The following ZNF782 variants were observed in gnomAD, a reference collection of about 807,000 sequenced individuals.
ZNF782 encodes zinc finger protein 782.
Under a neutral mutation model 13.0 loss-of-function variants are expected in ZNF782, and 12 were observed. That is an observed-to-expected ratio of 0.92 (90% CI 0.59 to 1.50). The LOEUF is 1.50. Among genes scored for constraint, ZNF782 ranks in the 40% most tolerant of loss-of-function variants. The pLI is 0.00. For synonymous variants in ZNF782, 284 were observed against 283.0 expected (o/e 1.00, Z -0.04); for missense variants, 770 against 822.9 (o/e 0.94, Z 0.79).
Position 96,869,782 on chromosome 9 carries a change from A to G in ZNF782, c.-457+5686T>C, listed in dbSNP as rs968081245. On this transcript the variant is annotated intron_variant, in intron 1 of 5. Transcript: ENST00000498811. Reference sequence around the variant, plus strand: ...TGTCCAAGTGAAGTAACACCTTTTGATGCTTTAGTCATTAGACTTATTTGA... The same window carrying G: ...TGTCCAAGTGAAGTAACACCTTTTGGTGCTTTAGTCATTAGACTTATTTGA... 2.0e-5 allele frequency among the ~76,000 whole-genome samples: 3 copies of G among 152,292 alleles called. No homozygotes were observed. In the East Asian group the frequency reaches 5.8e-4, roughly 29 times the overall value.
At chr9:96,916,609 C>A in the ZNF782 span, among the ~76,000 whole-genome samples, 1 of 152,096 alleles carries the variant, frequency 6.6e-6, no homozygotes, top group Non-Finnish European at 1.5e-5. Flanking sequence ...CTGAGTTAGA[C>A]TTCTTCCTCC....
chr9:96,933,423 T>A, the ZNF782 span: 1 of 150,938 alleles, frequency 6.6e-6, no homozygotes, highest in Non-Finnish European at 1.5e-5. Context: ...CAGGCTGGAG[T>A]GCAATGGTGC....
chr9:96,925,005 C>T, the ZNF782 span, among the ~76,000 whole-genome samples: 115 of 152,328 alleles, frequency 7.5e-4, 1 homozygote, highest in Admixed American at 1.4e-3. Flanking sequence ...GACCAGGAGG[C>T]GATTACCTTC....
At chr9:96,825,226 G>C (rs1308683407) in intron 5 of ZNF782, among the ~76,000 whole-genome samples, 1 of 150,900 alleles carries the variant, frequency 6.6e-6, no homozygotes, top group Non-Finnish European at 1.5e-5. Context: ...CAATGGAACA[G>C]AACAGAGCCC....
chr9:96,883,229 G>A, the ZNF782 span, among the ~76,000 whole-genome samples: 4 of 152,134 alleles, frequency 2.6e-5, no homozygotes, highest in Non-Finnish European at 4.4e-5. Context: ...GGGGTGTGGA[G>A]ACAAGCCACC....
chr9:96,834,397 A>T (rs1850916487), intron 4 of ZNF782, among the ~76,000 whole-genome samples: 1 of 152,204 alleles, frequency 6.6e-6, no homozygotes, highest in South Asian at 2.1e-4. Flanking sequence ...AGTCAATTAA[A>T]CTTCTTTCCT....
chr9:96,841,267 G>T (rs984852955), intron 4 of ZNF782, among the ~76,000 whole-genome samples: 1 of 151,772 alleles, frequency 6.6e-6, no homozygotes, highest in East Asian at 1.9e-4. Context: ...TTCCCAAAAA[G>T]AAGTCTCTAG....
At chr9:96,907,702 A>G in the ZNF782 span, among the ~76,000 whole-genome samples, 2 of 151,822 alleles carry the variant, frequency 1.3e-5, no homozygotes, top group African/African-American at 4.8e-5. Flanking sequence ...GTGCAATGGC[A>G]TAATCTCAGC....
At chr9:96,833,608 C>T (rs1850880881) in intron 4 of ZNF782, among the ~76,000 whole-genome samples, 2 of 152,182 alleles carry the variant, frequency 1.3e-5, no homozygotes, top group African/African-American at 4.8e-5. Context: ...CTGACGATAA[C>T]TTTGATCACC....
chr9:96,877,124 T>C (rs1283600477), upstream of ZNF782, among the ~76,000 whole-genome samples: 1 of 152,102 alleles, frequency 6.6e-6, no homozygotes, highest in East Asian at 1.9e-4. Context: ...GGAACATCTT[T>C]TTACTAAATT....
intron 4 of ZNF782, among the ~76,000 whole-genome samples, chr9:96,835,942 T>C (rs1850979461): frequency 1.3e-5 from 2 of 152,138 alleles, no homozygotes; most frequent in South Asian, 4.1e-4. Flanking sequence ...GACCCCAAAA[T>C]TGTAGAGCCA....
chr9:96,828,672 C>G (rs992097348), intron 4 of ZNF782, among the ~76,000 whole-genome samples: 3 of 152,006 alleles, frequency 2.0e-5, no homozygotes, highest in African/African-American at 7.2e-5. Context: ...AAATAATAAA[C>G]AGAGTTATCT....
Position 96,817,701 on chromosome 9 carries a change from G to A in ZNF782, c.*222C>T, listed in dbSNP as rs1850215854. 2.3e-6 allele frequency: 1 copy of A among 428,790 alleles called. No homozygotes were observed. The highest frequency in any genetic ancestry group is 4.1e-6 in the Non-Finnish European group (1 of 245,222). 26.6% of individuals were successfully genotyped at this position (428,790 alleles called of 1,614,324 possible). On this transcript the variant is annotated 3_prime_UTR_variant, in exon 6 of 6. Coordinates refer to ENST00000481138, the MANE Select transcript of ZNF782 (RefSeq NM_001001662.3). Reference sequence around the variant, plus strand: ...TTTATAGGGTTTCTTTGCTGTGTGAGTTCTGTATATCCATAGAAGACTGGG... The same window carrying A: ...TTTATAGGGTTTCTTTGCTGTGTGAATTCTGTATATCCATAGAAGACTGGG...
the ZNF782 span, among the ~76,000 whole-genome samples, chr9:96,922,537 C>T: frequency 2.1e-3 from 322 of 152,294 alleles, no homozygotes; most frequent in African/African-American, 7.3e-3. Flanking sequence ...CTTTGGGAGG[C>T]CGAGGCAGGC....
intron 3 of ZNF782, 21 bp downstream of exon 3, chr9:96,851,926 G>A: frequency 1.4e-5 from 23 of 1,612,176 alleles, no homozygotes; most frequent in Non-Finnish European, 1.8e-5. Flanking sequence ...ATACAAAGTG[G>A]GGAATGAATA....
At chr9:96,887,140 C>T in the ZNF782 span, among the ~76,000 whole-genome samples, 1 of 151,312 alleles carries the variant, frequency 6.6e-6, no homozygotes, top group Non-Finnish European at 1.5e-5. Context: ...ATGGTGAAAC[C>T]CCGTCTTTAC....
At chr9:96,918,064 C>A in the ZNF782 span, among the ~76,000 whole-genome samples, 2 of 150,932 alleles carry the variant, frequency 1.3e-5, no homozygotes, top group African/African-American at 4.9e-5. Context: ...TTATTGCGCA[C>A]ATTTAAAGTC....
upstream of ZNF782, among the ~76,000 whole-genome samples, chr9:96,876,971 A>AAAAAG (rs1851900809): frequency 2.3e-5 from 3 of 128,012 alleles, no homozygotes; most frequent in Non-Finnish European, 3.1e-5. Context: ...AAAAAAAAAA[A>AAAAAG]AAGAAGAAGA....
intron 3 of ZNF782, among the ~76,000 whole-genome samples, chr9:96,846,418 A>G (rs1251490290): frequency 6.6e-6 from 1 of 152,212 alleles, no homozygotes; most frequent in African/African-American, 2.4e-5. Context: ...TAAAAAAATC[A>G]CAAACCAAAT....
Sources: allele counts gnomAD v4.1 joint callset (sites outside exome capture counted in the v4.1 genomes callset), GRCh38; gene constraint gnomAD v4.1.1; transcripts MANE v1.5; gene names NCBI Gene and HGNC (gene_info 2026-07-23, HGNC 2026-07-21).